The following ROBO2 variants were observed in gnomAD, a reference collection of about 807,000 sequenced individuals.
ROBO2 encodes roundabout homolog 2.
Under a neutral mutation model 160.8 loss-of-function variants are expected in ROBO2, and 53 were observed. The ratio of observed to expected loss-of-function variants is 0.33; its 90% CI spans 0.26 to 0.41. The LOEUF (loss-of-function observed/expected upper bound fraction) is 0.41. Ranked by LOEUF, ROBO2 falls within the 10% of genes least tolerant of loss-of-function variation. The pLI, the probability that ROBO2 is intolerant of heterozygous loss-of-function variation, is 1.00. For synonymous variants in ROBO2, 664 were observed against 611.7 expected, an observed-to-expected ratio of 1.09 and a Z score of -1.26; for missense variants, 1,577 against 1,722.4, an observed-to-expected ratio of 0.92 and a Z score of 1.49.
At chr3:77,205,825 G>A (rs2083381113) in intron 2 of ROBO2, among the ~76,000 whole-genome samples, 1 of 152,116 alleles carries the variant, frequency 6.6e-6, no homozygotes, top group African/African-American at 2.4e-5. Context: ...ATATAGAAAG[G>A]TTCTCACTTG....
At chr3:76,648,088 T>G (rs1163058488) in intron 2 of ROBO2, among the ~76,000 whole-genome samples, 1 of 152,146 alleles carries the variant, frequency 6.6e-6, no homozygotes. Context: ...ATTCTCATAT[T>G]ATTGTGATAG....
chr3:75,982,968 A>C (rs2065317747), intron 2 of ROBO2, among the ~76,000 whole-genome samples: 1 of 151,494 alleles, frequency 6.6e-6, no homozygotes, highest in South Asian at 2.1e-4. Flanking sequence ...TAAATCAGAT[A>C]CTCGACTAGC....
At chr3:75,922,977 C>G (rs1417928679) in intron 1 of ROBO2, among the ~76,000 whole-genome samples, 3 of 152,180 alleles carry the variant, frequency 2.0e-5, no homozygotes, top group African/African-American at 7.2e-5. Flanking sequence ...ACTGATACCT[C>G]AAAGCATACC....
rs556690998 is a variant in ROBO2, at chr3:76,779,634, G to T, written c.110-318380G>T. On this transcript the variant is annotated intron_variant, in intron 2 of 26. Coordinates refer to the ROBO2 transcript ENST00000487694. The stretch of plus-strand genomic sequence containing the variant: ...TTCTGCGTCTGGCTTATTTCACTTG[G>T]CATAATGTCCTCAGGGTTCATGAGA... Among the ~76,000 whole-genome samples, 3 of 150,950 alleles carry T rather than the reference G, an allele frequency of 2.0e-5. No individual in the cohort carries two copies. The East Asian group carries it at 5.9e-4, about 30-fold the overall frequency.
At chr3:77,565,246 TC>T in intron 12 of ROBO2, 126 bp downstream of exon 13, 1 of 1,099,856 alleles carries the variant, frequency 9.1e-7, no homozygotes, top group Middle Eastern at 2.7e-4. Context: ...CTAGGCTTTA[TC>T]CAGGGAAGGA....
At chr3:76,842,126 T>A (rs1447876763) in intron 2 of ROBO2, among the ~76,000 whole-genome samples, 1 of 152,158 alleles carries the variant, frequency 6.6e-6, no homozygotes, top group African/African-American at 2.4e-5. Flanking sequence ...ATAGAATCAA[T>A]GACACGATGG....
intron 2 of ROBO2, among the ~76,000 whole-genome samples, chr3:76,085,845 G>A (rs1323133895): frequency 6.6e-6 from 1 of 152,152 alleles, no homozygotes; most frequent in Admixed American, 6.6e-5. Flanking sequence ...CCACACTTTT[G>A]TGCATTTGAG....
intron 2 of ROBO2, among the ~76,000 whole-genome samples, chr3:76,733,130 A>T (rs917919163): frequency 2.6e-5 from 4 of 152,176 alleles, no homozygotes; most frequent in Non-Finnish European, 5.9e-5. Flanking sequence ...GGGTGATCAG[A>T]TACAAATTAC....
chr3:76,632,943 T>G (rs941356364), intron 2 of ROBO2, among the ~76,000 whole-genome samples: 2 of 152,164 alleles, frequency 1.3e-5, no homozygotes, highest in Non-Finnish European at 2.9e-5. Flanking sequence ...GAAAATACAT[T>G]TTTTATTCTG....
At chr3:77,123,243 A>T (rs556543697) in intron 2 of ROBO2, among the ~76,000 whole-genome samples, 1 of 152,204 alleles carries the variant, frequency 6.6e-6, no homozygotes. Context: ...CATATTATAC[A>T]GTCCTATAAA....
rs564838222 is a variant in ROBO2 at position 76,751,931 on chromosome 3, C to T, written c.110-346083C>T. Among the ~76,000 whole-genome samples, 900 of 152,228 alleles carry T rather than the reference C, an allele frequency of 5.9e-3. 5 individuals are homozygous for T. Among genetic ancestry groups the T allele is most frequent in the Middle Eastern group, 0.024 (7 of 294 alleles). On this transcript the variant is annotated intron_variant, in intron 2 of 26. Transcript: ENST00000487694. ...TAGAAATACCATTTGACCCAGCCAT[C>T]CCATTACTGGGTATATACCCAGATG... is the stretch of plus-strand genomic sequence containing the variant.
At chr3:76,032,086 A>C (rs937835662) in intron 2 of ROBO2, among the ~76,000 whole-genome samples, 3 of 152,052 alleles carry the variant, frequency 2.0e-5, no homozygotes, top group Admixed American at 6.5e-5. Flanking sequence ...TAGTCTTGGG[A>C]GGGTGTATGT....
intron 1 of ROBO2, among the ~76,000 whole-genome samples, chr3:75,909,750 G>A (rs574345369): frequency 6.6e-6 from 1 of 152,136 alleles, no homozygotes; most frequent in East Asian, 1.9e-4. Context: ...GCTAAACAAT[G>A]CCCTATATTT....
intron 2 of ROBO2, among the ~76,000 whole-genome samples, chr3:76,801,589 A>T (rs995535409): frequency 2.1e-4 from 32 of 151,422 alleles, no homozygotes; most frequent in Non-Finnish European, 3.4e-4. Flanking sequence ...TTTTTTTTTT[A>T]AAAAAAGAAA....
chr3:76,484,672 G>C (rs943253923), intron 2 of ROBO2, among the ~76,000 whole-genome samples: 1 of 152,072 alleles, frequency 6.6e-6, no homozygotes, highest in African/African-American at 2.4e-5. Flanking sequence ...TTTGTGTTAG[G>C]TTATTCAATC....
rs140489826 is a variant in ROBO2, at chr3:77,569,401, T to C, written c.1971+967T>C. Among the ~76,000 whole-genome samples the C allele has an allele frequency of 8.3e-4, 127 of 152,166 alleles. 1 individual carries two copies. The highest frequency in any genetic ancestry group is 3.0e-3 in the African/African-American group (125 of 41,556). On this transcript the variant is annotated intron_variant, in intron 13 of 25. Transcript: ENST00000461745. ...TGTGTAGTGGTATATAATTGTGGTTTTGATTTGCATTTCTTTAATGACTAA... is the reference window on the plus strand; with the variant it reads ...TGTGTAGTGGTATATAATTGTGGTTCTGATTTGCATTTCTTTAATGACTAA...
intron 2 of ROBO2, among the ~76,000 whole-genome samples, chr3:76,014,797 A>ACGTG: frequency 6.6e-6 from 1 of 152,140 alleles, no homozygotes; most frequent in Non-Finnish European, 1.5e-5. Context: ...GTGCAGTGGC[A>ACGTG]CGTGCGTGTA....
intron 2 of ROBO2, among the ~76,000 whole-genome samples, chr3:76,345,253 A>G (rs1172252608): frequency 6.6e-6 from 1 of 152,096 alleles, no homozygotes; most frequent in African/African-American, 2.4e-5. Context: ...CTGGAGACCC[A>G]AGTCATGGGA....
intron 2 of ROBO2, among the ~76,000 whole-genome samples, chr3:76,766,736 C>T (rs2061594866): frequency 1.3e-5 from 2 of 151,436 alleles, no homozygotes; most frequent in African/African-American, 4.8e-5. Context: ...ATAGGTGAAG[C>T]TCTTATTGGG....
Sources: gnomAD v4.1 joint callset for allele counts (sites outside exome capture counted in the v4.1 genomes callset) on GRCh38, gnomAD v4.1.1 for gene constraint, MANE v1.5 for transcripts, NCBI Gene and HGNC (gene_info 2026-07-23, HGNC 2026-07-21) for gene names.